ACTR8: variants seen among roughly 807,000 people sequenced by gnomAD.
ACTR8 encodes the protein actin related protein 8.
Under a neutral mutation model 84.3 loss-of-function variants are expected in ACTR8, and 70 were observed. The ratio of observed to expected loss-of-function variants is 0.83; its 90% CI spans 0.68 to 1.01. The LOEUF is 1.01. Ranked by LOEUF, ACTR8 falls within the 50% of genes least tolerant of loss-of-function variation. The probability of loss-of-function intolerance (pLI) is 0.00; values close to 1 mark genes in which losing one functional copy is unlikely to be tolerated. For synonymous variants in ACTR8, 268 were observed against 275.2 expected, an observed-to-expected ratio of 0.97 and a Z score of 0.26; for missense variants, 672 against 775.4, an observed-to-expected ratio of 0.87 and a Z score of 1.58.
At chr3:53,860,297 A>T in the ACTR8 span, 17 of 1,299,136 alleles carry the variant, frequency 1.3e-5, no homozygotes, top group Admixed American at 1.9e-5. Flanking sequence ...TTTAAAGAAG[A>T]TTCCTCTGGA....
chr3:53,877,934 T>C (rs929665996), intron 3 of ACTR8, among the ~76,000 whole-genome samples, 183 bp from the exon 4 acceptor site: 2 of 152,216 alleles, frequency 1.3e-5, no homozygotes, highest in South Asian at 4.1e-4. Context: ...GGGGTTCTTT[T>C]TCCCCCAATT....
rs560000877 is a variant in ACTR8 at position 53,875,853 on chromosome 3, T to C, written c.911+95A>G. On this transcript the variant is annotated intron_variant, in intron 7 of 12. Transcript: ENST00000335754. ...ATGCAGACTTTTGAATTTATGGTTATCTTATAATTTTTAACCTGTGATTTC... is the reference window on the plus strand; with the variant it reads ...ATGCAGACTTTTGAATTTATGGTTACCTTATAATTTTTAACCTGTGATTTC... The C allele has an allele frequency of 2.7e-4, 415 of 1,530,248 alleles. 2 individuals carry two copies. In the Middle Eastern group the frequency reaches 5.8e-3, roughly 21 times the overall value. 94.8% of individuals were successfully genotyped at this position (1,530,248 alleles called of 1,614,324 possible).
chr3:53,865,031 G>A, downstream of ACTR8: 1 of 1,614,190 alleles, frequency 6.2e-7, no homozygotes. Flanking sequence ...TGTGGCAAGA[G>A]CGAGGGCAGT....
At chr3:53,865,396 G>A, downstream of ACTR8, 2 of 1,035,072 alleles carry the variant, frequency 1.9e-6, no homozygotes, top group South Asian at 1.7e-5. Flanking sequence ...AGCTTACTAT[G>A]CAGCCTACAA....
At chr3:53,880,189 T>C in intron 1 of ACTR8, 80 bp from the exon 2 acceptor site, 3 of 1,397,768 alleles carry the variant, frequency 2.1e-6, no homozygotes, top group Non-Finnish European at 3.0e-6. Context: ...CATAACAAGC[T>C]AAACTAAGAA....
intron 1 of ACTR8, 113 bp from the exon 2 acceptor site, chr3:53,880,222 A>C: frequency 1.8e-6 from 2 of 1,106,492 alleles, no homozygotes; most frequent in Admixed American, 2.3e-5. Flanking sequence ...GTATCAAAAT[A>C]ATTCAATAAA....
At chr3:53,871,174 T>A (rs1171975488) in intron 11 of ACTR8, 58 bp downstream of exon 11, 17 of 1,582,902 alleles carry the variant, frequency 1.1e-5, no homozygotes, top group Non-Finnish European at 1.5e-5. Context: ...ACTGAACCAA[T>A]TTATTTAACT....
At position 53,880,051 on chromosome 3, in the gene ACTR8, C is replaced by A. The variant is rs1700035720; in HGVS notation, c.182G>T (p.Gly61Val). The A allele has an allele frequency of 6.2e-7, 1 of 1,613,976 alleles. No homozygotes were observed. Among genetic ancestry groups the A allele is most frequent in the African/African-American group, 1.3e-5 (1 of 74,894 alleles). ...GGCAGGAAGAGTGTCTGTGGCTCGA[C>A]CAATCCTTAAAGTTGTTGAACCTGG... is the stretch of plus-strand genomic sequence containing the variant. ...IHPGSTTLRI[G>V]RATDTLPASI... Residue 61 changes from glycine to valine, a missense_variant, in exon 2 of 13, where the codon GGT becomes GTT. Transcript: ENST00000335754.
At chr3:53,876,220 A>T (rs1699965718) in intron 6 of ACTR8, 140 bp from the exon 7 acceptor site, 1 of 1,134,858 alleles carries the variant, frequency 8.8e-7, no homozygotes, top group Admixed American at 2.6e-5. Flanking sequence ...CAGAATAAGC[A>T]TTTAAATAAG....
intron 8 of ACTR8, among the ~76,000 whole-genome samples, chr3:53,873,440 A>T (rs564953981): frequency 7.2e-5 from 11 of 152,260 alleles, no homozygotes; most frequent in Admixed American, 2.6e-4. Context: ...TGTTTCCCCA[A>T]TTTTTTAATA....
In ACTR8 at chr3:53,868,696, C is replaced by T. The variant is rs774529412; in HGVS notation, c.*23G>A. On this transcript the variant is annotated 3_prime_UTR_variant, in exon 13 of 13. Transcript: ENST00000335754. The stretch of plus-strand genomic sequence containing the variant: ...TACCAAGAAGCTTGTTTTTGGTCTT[C>T]GGCAGTGACATTTCCTCCCCATTCA... 34 of 1,610,540 alleles carry T rather than the reference C, an allele frequency of 2.1e-5. No individual in the cohort carries two copies. The Admixed American group carries it at 3.4e-4, about 16-fold the overall frequency.
At chr3:53,873,643 A>C (rs66535155) in intron 8 of ACTR8, among the ~76,000 whole-genome samples, 5,819 of 152,294 alleles carry the variant, frequency 0.038, 149 homozygotes, top group South Asian at 0.069. Context: ...TTCATCTTTT[A>C]TCAGGATGAG....
chr3:53,863,262 T>G (rs1699633574), downstream of ACTR8, among the ~76,000 whole-genome samples: 1 of 152,200 alleles, frequency 6.6e-6, no homozygotes, highest in Non-Finnish European at 1.5e-5. Context: ...TTCAACTGCA[T>G]GCAGGGCCGG....
Position 53,870,213 on chromosome 3 carries a change from C to T in ACTR8, c.1568-68G>A. On this transcript the variant is annotated intron_variant, in intron 11 of 12. Coordinates refer to ENST00000335754, the MANE Select transcript of ACTR8 (RefSeq NM_022899.5). The surrounding 1 kb of genome is among the most constrained non-coding windows in gnomAD (Gnocchi z 4.1). ...CCATAATTCTAGGCCAAGCCACCAA[C>T]ACCTCTTGCTTGAGCAAGTGCAATA... 2 of 1,566,332 alleles carry T rather than the reference C, an allele frequency of 1.3e-6. No individual in the cohort carries two copies. The highest frequency in any genetic ancestry group is 1.7e-6 in the Non-Finnish European group (2 of 1,149,484).
In ACTR8 at chr3:53,880,045, G is replaced by T; in HGVS notation, c.188C>A (p.Ala63Asp). Reference sequence around the variant, plus strand: ...AATGCTGGCAGGAAGAGTGTCTGTGGCTCGACCAATCCTTAAAGTTGTTGA... The same window carrying T: ...AATGCTGGCAGGAAGAGTGTCTGTGTCTCGACCAATCCTTAAAGTTGTTGA... ...PGSTTLRIGR[A>D]TDTLPASIPH... The change falls in exon 2 of 13, where the codon GCC becomes GAC. Residue 63 changes from alanine to aspartate, a missense_variant. Ala to Asp is a moderately radical substitution (Grantham distance 126, BLOSUM62 -2). Transcript: ENST00000335754. 1 of 1,614,146 alleles carries T rather than the reference G, an allele frequency of 6.2e-7. No individual in the cohort carries two copies. The highest frequency in any genetic ancestry group is 1.1e-5 in the South Asian group (1 of 91,080).
Position 53,877,264 on chromosome 3 carries a change from AT to A in ACTR8, c.633del (p.Trp212GlyfsTer13), listed in dbSNP as rs762277894. On this transcript the variant is annotated frameshift_variant, in exon 5 of 13. Transcript: ENST00000335754. LOFTEE classifies it high-confidence loss of function. ...LTAVLADIEV[I>X]WSHAIQKYLE... ...AAGTATTTTTGTATCGCATGAGACC[AT>A]ATTACTTCAATATCTGCCAGAACAG... 1.9e-6 allele frequency: 3 copies of A among 1,613,878 alleles called. No homozygotes were observed. The South Asian group carries it at 3.3e-5, about 18-fold the overall frequency.
chr3:53,872,993 C>G (rs1306871698), intron 9 of ACTR8, 39 bp downstream of exon 9: 2 of 1,487,184 alleles, frequency 1.3e-6, no homozygotes, highest in Non-Finnish European at 1.9e-6. Context: ...ACCTGGATAA[C>G]TTTCTTTCTA....
intron 4 of ACTR8, 85 bp downstream of exon 4, chr3:53,877,562 A>G (rs1699995432): frequency 7.0e-7 from 1 of 1,432,176 alleles, no homozygotes; most frequent in East Asian, 2.3e-5. Context: ...CTAGGAAACA[A>G]CTAGGACTGG....
chr3:53,865,216 A>G, downstream of ACTR8: 1 of 1,614,004 alleles, frequency 6.2e-7, no homozygotes, highest in Non-Finnish European at 8.5e-7. Context: ...GAAGGATGCC[A>G]CTGCTTTCTG....
Sources: gnomAD v4.1 joint callset for allele counts (sites outside exome capture counted in the v4.1 genomes callset) on GRCh38, gnomAD v4.1.1 for gene constraint, Gnocchi (gnomAD v3.1) non-coding constraint, MANE v1.5 for transcripts, NCBI Gene and HGNC (gene_info 2026-07-23, HGNC 2026-07-21) for gene names.